MGAT4A: variants seen among roughly 807,000 people sequenced by gnomAD.
MGAT4A encodes alpha-1,3-mannosyl-glycoprotein 4-beta-N-acetylglucosaminyltransferase A, also known as N-acetylglucosaminyltransferase IVa.
A neutral mutation model predicts 74.1 loss-of-function variants in MGAT4A; 33 were observed. The observed-to-expected ratio is 0.45, with a 90% CI of 0.34 to 0.60. The LOEUF (loss-of-function observed/expected upper bound fraction) is 0.60, where lower values mean the gene tolerates loss of function less well. MGAT4A is among the 20% of genes least tolerant of loss of function. MGAT4A has a pLI of 0.02. For synonymous variants in MGAT4A, 198 were observed against 210.4 expected (o/e 0.94, Z 0.51); for missense variants, 479 against 628.3 (o/e 0.76, Z 2.54).
chr2:98,711,924 G>A (rs1293368174), intron 2 of MGAT4A, among the ~76,000 whole-genome samples: 1 of 152,136 alleles, frequency 6.6e-6, no homozygotes, highest in Non-Finnish European at 1.5e-5. Flanking sequence ...ACACACAGCA[G>A]GATATTTTAT....
rs958503185 is a variant in MGAT4A at position 98,667,696 on chromosome 2, T to G, written c.404-4517A>C. Among the ~76,000 whole-genome samples, 33 of 150,268 alleles carry G rather than the reference T, an allele frequency of 2.2e-4. No individual in the cohort carries two copies. In the South Asian group the frequency reaches 2.3e-3, roughly 11 times the overall value. ...TGGGTGCTGTTAAAGGCATTCAGTT[T>G]TTGTTGTTGTTGTTGTTGTTGTTGT... On this transcript the variant is annotated intron_variant, in intron 4 of 15. Transcript: ENST00000393487.
In MGAT4A at chr2:98,621,861, T is replaced by C. The variant is rs1479863696; in HGVS notation, c.*3705A>G. The C allele has an allele frequency of 7.9e-6, 8 of 1,012,336 alleles. No homozygotes were observed. The highest frequency in any genetic ancestry group is 9.4e-6 in the Non-Finnish European group (8 of 847,326). 62.7% of individuals were successfully genotyped at this position (1,012,336 alleles called of 1,614,324 possible). On this transcript the variant is annotated 3_prime_UTR_variant, in exon 16 of 16. Coordinates refer to ENST00000393487, the MANE Select transcript of MGAT4A (RefSeq NM_012214.3). Reference sequence around the variant, plus strand: ...TAAAAATAACAACACCTTCTAATTATTGACTAGTGCAACCACTGATTTGAG... The same window carrying C: ...TAAAAATAACAACACCTTCTAATTACTGACTAGTGCAACCACTGATTTGAG...
intron 5 of MGAT4A, among the ~76,000 whole-genome samples, chr2:98,660,392 CCACA>C (rs57759198): frequency 2.0e-4 from 28 of 138,704 alleles, no homozygotes; most frequent in Middle Eastern, 3.7e-3. Flanking sequence ...TCATATATAA[CCACA>C]CACACACACA....
chr2:98,672,159 C>G lies in MGAT4A; in HGVS notation c.403+2876G>C, dbSNP rs149818847. 2.4e-3 allele frequency among the ~76,000 whole-genome samples: 368 copies of G among 152,238 alleles called. 2 individuals are homozygous for G. The highest frequency in any genetic ancestry group is 8.5e-3 in the African/African-American group (353 of 41,538). ...CTTCACCAGTAAATGATAGATTCTA[C>G]CAGCCTCAGGCCAAACGTAATTTCT... On this transcript the variant is annotated intron_variant, in intron 4 of 15. Transcript: ENST00000393487.
Position 98,621,348 on chromosome 2 carries a change from T to C in MGAT4A, c.*4218A>G, listed in dbSNP as rs1485503547. 8.6e-6 allele frequency: 13 copies of C among 1,513,142 alleles called. No individual in the cohort carries two copies. The Admixed American group carries it at 2.2e-4, about 26-fold the overall frequency. 93.7% of individuals were successfully genotyped at this position (1,513,142 alleles called of 1,614,324 possible). A position where few individuals can be genotyped will look rare whatever the true frequency, so the allele number is the denominator to read the frequency against. ...AGTTCCCGTGGCTGTAGGACTGCAG[T>C]TCCCAGCTCCTTTGCTGTTAGCCAA... On this transcript the variant is annotated 3_prime_UTR_variant, in exon 16 of 16. Transcript: ENST00000393487.
chr2:98,728,866 T>C (rs1271345587), intron 1 of MGAT4A, among the ~76,000 whole-genome samples: 1 of 152,154 alleles, frequency 6.6e-6, no homozygotes, highest in Non-Finnish European at 1.5e-5. Flanking sequence ...ACTTGGAACA[T>C]TAATCCCGGT....
intron 2 of MGAT4A, among the ~76,000 whole-genome samples, chr2:98,717,054 G>A (rs965560521): frequency 3.9e-5 from 6 of 152,042 alleles, no homozygotes; most frequent in African/African-American, 1.4e-4. Flanking sequence ...TTCAAATTAA[G>A]GGGCATTCCA....
At chr2:98,704,134 C>T (rs62158021) in intron 2 of MGAT4A, among the ~76,000 whole-genome samples, 4,701 of 152,254 alleles carry the variant, frequency 0.031, 124 homozygotes, top group Non-Finnish European at 0.044. Flanking sequence ...TGGATCACCA[C>T]CTAGTACACG....
intron 8 of MGAT4A, among the ~76,000 whole-genome samples, chr2:98,655,048 T>C (rs369232878): frequency 2.6e-5 from 4 of 152,158 alleles, no homozygotes; most frequent in Admixed American, 2.6e-4. Context: ...GTAACAGTAT[T>C]GTGGCCTACA....
intron 2 of MGAT4A, among the ~76,000 whole-genome samples, chr2:98,705,305 T>C (rs138669204): frequency 6.6e-6 from 1 of 152,288 alleles, no homozygotes; most frequent in East Asian, 1.9e-4. Flanking sequence ...TCTTAAATGA[T>C]GGTTCTAGAT....
chr2:98,728,263 C>T (rs1702793314), intron 1 of MGAT4A, among the ~76,000 whole-genome samples: 1 of 152,174 alleles, frequency 6.6e-6, no homozygotes, highest in African/African-American at 2.4e-5. Context: ...GCCTGTTAAC[C>T]CTCAGACAGC....
intron 4 of MGAT4A, among the ~76,000 whole-genome samples, chr2:98,673,193 C>A (rs1189403287): frequency 6.6e-6 from 1 of 152,108 alleles, no homozygotes; most frequent in Non-Finnish European, 1.5e-5. Flanking sequence ...CACTGTCCTT[C>A]CTCTTCAGCC....
At chr2:98,727,499 C>G (rs926506879) in intron 1 of MGAT4A, among the ~76,000 whole-genome samples, 1 of 152,216 alleles carries the variant, frequency 6.6e-6, no homozygotes, top group Admixed American at 6.5e-5. Context: ...CCAGTCCACT[C>G]TATGCATGGT....
At chr2:98,704,601 G>A (rs183215864) in intron 2 of MGAT4A, among the ~76,000 whole-genome samples, 127 of 151,786 alleles carry the variant, frequency 8.4e-4, no homozygotes, top group African/African-American at 2.7e-3. Context: ...GTGAGACCCC[G>A]TCTTAAAAAA....
chr2:98,710,099 C>G (rs905492273), intron 2 of MGAT4A, among the ~76,000 whole-genome samples: 2 of 152,164 alleles, frequency 1.3e-5, no homozygotes, highest in African/African-American at 2.4e-5. Flanking sequence ...CATCACTAAC[C>G]CTCATAGACA....
At chr2:98,641,384 A>C (rs1388028615) in intron 10 of MGAT4A, among the ~76,000 whole-genome samples, 2 of 150,234 alleles carry the variant, frequency 1.3e-5, no homozygotes, top group Non-Finnish European at 1.5e-5. Context: ...GGCCAGGCGC[A>C]GTGGCTCACG....
intron 2 of MGAT4A, among the ~76,000 whole-genome samples, chr2:98,689,696 G>A (rs529755252): frequency 6.6e-6 from 1 of 152,238 alleles, no homozygotes; most frequent in African/African-American, 2.4e-5. Context: ...GGTGGCAGAC[G>A]CCTGTAGTCC....
intron 2 of MGAT4A, chr2:98,695,442 A>G (rs1478821094): frequency 2.8e-5 from 6 of 217,494 alleles, no homozygotes; most frequent in African/African-American, 9.2e-5. Flanking sequence ...CACTGTGGAC[A>G]TCACACAGTG....
chr2:98,674,509 A>T (rs1323404421), intron 4 of MGAT4A, among the ~76,000 whole-genome samples: 2 of 152,256 alleles, frequency 1.3e-5, no homozygotes, highest in Non-Finnish European at 2.9e-5. Context: ...CTATAAGGAA[A>T]ACTGAAGAAG....
Sources: gnomAD v4.1 joint callset for allele counts (sites outside exome capture counted in the v4.1 genomes callset) on GRCh38, gnomAD v4.1.1 for gene constraint, MANE v1.5 for transcripts, NCBI Gene and HGNC (gene_info 2026-07-23, HGNC 2026-07-21) for gene names.